The following ST3GAL1 variants were observed in gnomAD, a reference collection of about 807,000 sequenced individuals.
ST3GAL1 encodes the protein CMP-N-acetylneuraminate-beta-galactosamide-alpha-2,3-sialyltransferase 1.
ST3GAL1 carries 16 observed loss-of-function variants against 34.1 expected under a neutral mutation model. That is an observed-to-expected ratio of 0.47 (90% CI 0.32 to 0.71). The LOEUF is 0.71. ST3GAL1 is among the 30% of genes least tolerant of loss of function. The pLI, the probability that ST3GAL1 is intolerant of heterozygous loss-of-function variation, is 0.04. For missense variants in ST3GAL1, 353 were observed against 447.4 expected (o/e 0.79, Z 1.90); for synonymous variants, 191 against 184.7 (o/e 1.03, Z -0.28).
intron 3 of ST3GAL1, among the ~76,000 whole-genome samples, chr8:133,495,358 A>G (rs1462052782): frequency 1.3e-5 from 2 of 151,958 alleles, no homozygotes; most frequent in African/African-American, 4.8e-5. Flanking sequence ...GTGACCCTAC[A>G]CTCTCTTTCA....
chr8:133,487,428 G>T (rs1816650270), intron 3 of ST3GAL1, among the ~76,000 whole-genome samples: 1 of 152,186 alleles, frequency 6.6e-6, no homozygotes, highest in Non-Finnish European at 1.5e-5. Context: ...CTGCATATGT[G>T]TGTGTGTGGA....
chr8:133,568,867 G>A (rs529825469), intron 1 of ST3GAL1, among the ~76,000 whole-genome samples: 15 of 152,224 alleles, frequency 9.9e-5, no homozygotes, highest in African/African-American at 3.4e-4. Context: ...GACCTAGAAG[G>A]ACTCCTTCCT....
intron 1 of ST3GAL1, among the ~76,000 whole-genome samples, chr8:133,565,771 A>C (rs986515355): frequency 6.6e-6 from 1 of 152,232 alleles, no homozygotes; most frequent in African/African-American, 2.4e-5. Flanking sequence ...CTCCCAGGTG[A>C]GGAAACGAAG....
intron 2 of ST3GAL1, among the ~76,000 whole-genome samples, chr8:133,525,024 C>A (rs766798041): frequency 6.6e-6 from 1 of 152,212 alleles, no homozygotes; most frequent in Non-Finnish European, 1.5e-5. Flanking sequence ...TGTTTCAGCC[C>A]TGTTTGTGTT....
intron 6 of ST3GAL1, chr8:133,465,681 C>A: frequency 2.0e-6 from 1 of 490,018 alleles, no homozygotes; most frequent in Non-Finnish European, 3.5e-6. Flanking sequence ...CCTCTCTGCA[C>A]GCAGAGGCCC....
At chr8:133,471,253 A>G (rs72718265) in intron 5 of ST3GAL1, among the ~76,000 whole-genome samples, 1,655 of 152,324 alleles carry the variant, frequency 0.011, 14 homozygotes, top group Middle Eastern at 0.017. Flanking sequence ...TAAGTGAATG[A>G]CAACTGCTAA....
chr8:133,475,652 C>G, intron 5 of ST3GAL1, 67 bp downstream of exon 5: 1 of 1,468,498 alleles, frequency 6.8e-7, no homozygotes, highest in Non-Finnish European at 9.0e-7. Context: ...CCACTCTCAG[C>G]CCAGACCCCA....
At chr8:133,492,982 G>A (rs1350796806) in intron 3 of ST3GAL1, among the ~76,000 whole-genome samples, 3 of 152,168 alleles carry the variant, frequency 2.0e-5, no homozygotes, top group Non-Finnish European at 1.5e-5. Context: ...GAGCTACGCC[G>A]AATGACCGCT....
At chr8:133,480,802 C>T (rs1377321259) in intron 3 of ST3GAL1, among the ~76,000 whole-genome samples, 3 of 152,338 alleles carry the variant, frequency 2.0e-5, no homozygotes, top group African/African-American at 7.2e-5. Flanking sequence ...CTTCCCCATT[C>T]CCTTTCTGAT....
At chr8:133,535,973 A>C (rs1818299602) in intron 2 of ST3GAL1, among the ~76,000 whole-genome samples, 1 of 152,168 alleles carries the variant, frequency 6.6e-6, no homozygotes, top group Non-Finnish European at 1.5e-5. Context: ...GCCTGGAACC[A>C]AGCCTGAAAT....
chr8:133,500,891 G>T (rs967705940), intron 2 of ST3GAL1, among the ~76,000 whole-genome samples: 2 of 152,174 alleles, frequency 1.3e-5, no homozygotes, highest in Non-Finnish European at 2.9e-5. Context: ...AGACTGAGAA[G>T]GTCAAAAATG....
chr8:133,476,452 T>C lies in ST3GAL1; in HGVS notation c.-225A>G, dbSNP rs1325595171. 1.3e-5 allele frequency: 2 copies of C among 156,968 alleles called. No homozygotes were observed. Among genetic ancestry groups the C allele is most frequent in the African/African-American group, 4.8e-5 (2 of 41,504 alleles). 9.7% of individuals were successfully genotyped at this position (156,968 alleles called of 1,614,324 possible). ...GAGGACCTCGAAGGAAGGGTGTTGG[T>C]ATAGCGGGGAGGGAAACTGTCTCTG... On this transcript the variant is annotated 5_prime_UTR_variant, in exon 4 of 10. It adds an upstream start codon to the 5' untranslated region. Transcript: ENST00000522652.
At position 133,466,949 on chromosome 8, in the gene ST3GAL1, G is replaced by A. The variant is rs989692573; in HGVS notation, c.307-859C>T. On this transcript the variant is annotated intron_variant, in intron 5 of 9. Transcript: ENST00000522652. The surrounding 1 kb of genome is among the most constrained non-coding windows in gnomAD (Gnocchi z 4.4). Reference sequence around the variant, plus strand: ...CCATCTCTATTAAAAATACAAAAAAGCCGGGCATGGTGGTGCCCACCTGTA... The same window carrying A: ...CCATCTCTATTAAAAATACAAAAAAACCGGGCATGGTGGTGCCCACCTGTA... 6.6e-6 allele frequency among the ~76,000 whole-genome samples: 1 copy of A among 152,068 alleles called. No homozygotes were observed. The highest frequency in any genetic ancestry group is 1.5e-5 in the Non-Finnish European group (1 of 67,992).
rs576419390 is a variant in ST3GAL1, at chr8:133,466,674, C to T, written c.307-584G>A. 6.6e-6 allele frequency among the ~76,000 whole-genome samples: 1 copy of T among 152,346 alleles called. No homozygotes were observed. The highest frequency in any genetic ancestry group is 2.1e-4 in the South Asian group (1 of 4,830). The stretch of plus-strand genomic sequence containing the variant: ...GGGGACAGAGCAGTAGGGACATCTG[C>T]CATCTTTCCTGCCTGACCCTCAGTT... On this transcript the variant is annotated intron_variant, in intron 5 of 9. Transcript: ENST00000522652. The surrounding 1 kb of genome is among the most constrained non-coding windows in gnomAD (Gnocchi z 4.4).
intron 1 of ST3GAL1, among the ~76,000 whole-genome samples, chr8:133,560,106 C>A (rs1258827357): frequency 6.6e-6 from 1 of 152,062 alleles, no homozygotes; most frequent in Non-Finnish European, 1.5e-5. Context: ...TTTCAAATAG[C>A]TAGAAGAGAG....
intron 3 of ST3GAL1, among the ~76,000 whole-genome samples, chr8:133,495,934 CTG>C (rs1816933092): frequency 1.3e-5 from 2 of 152,232 alleles, no homozygotes; most frequent in South Asian, 4.1e-4. Context: ...AGGGCACACG[CTG>C]TGTCTTATTT....
chr8:133,540,955 A>G (rs1489356408), intron 2 of ST3GAL1, among the ~76,000 whole-genome samples: 1 of 122,304 alleles, frequency 8.2e-6, no homozygotes, highest in African/African-American at 3.0e-5. Flanking sequence ...ATATATATAG[A>G]CATATATATA....
intron 1 of ST3GAL1, among the ~76,000 whole-genome samples, chr8:133,551,610 GAAAGAA>G (rs1818866798): frequency 2.8e-5 from 4 of 145,308 alleles, no homozygotes; most frequent in South Asian, 2.2e-4. Context: ...AAGAAAGAAA[GAAAGAA>G]AGAGCGAGCA....
chr8:133,487,848 G>A (rs1176145461), intron 3 of ST3GAL1, among the ~76,000 whole-genome samples: 3 of 152,012 alleles, frequency 2.0e-5, no homozygotes, highest in Non-Finnish European at 4.4e-5. Flanking sequence ...GATGCCTGTA[G>A]TCCCAGCTAC....
Sources: gnomAD v4.1 joint callset for allele counts (sites outside exome capture counted in the v4.1 genomes callset) on GRCh38, gnomAD v4.1.1 for gene constraint, Gnocchi (gnomAD v3.1) non-coding constraint, MANE v1.5 for transcripts, NCBI Gene and HGNC (gene_info 2026-07-23, HGNC 2026-07-21) for gene names.